Variants in KIF13A observed in about 807,000 individuals in gnomAD.
KIF13A encodes the protein kinesin family member 13A.
Under a neutral mutation model 212.2 loss-of-function variants are expected in KIF13A, and 79 were observed. The ratio of observed to expected loss-of-function variants is 0.37; its 90% CI spans 0.31 to 0.45. The LOEUF is 0.45. KIF13A is among the 20% of genes least tolerant of loss of function. The probability of loss-of-function intolerance (pLI) is 1.00; values close to 1 mark genes in which losing one functional copy is unlikely to be tolerated. For synonymous variants in KIF13A, 789 were observed against 808.6 expected, an observed-to-expected ratio of 0.98 and a Z score of 0.41; for missense variants, 1,901 against 2,209.0, an observed-to-expected ratio of 0.86 and a Z score of 2.79.
At position 17,936,312 on chromosome 6, in the gene KIF13A, A is replaced by AT. The variant is rs573696914; in HGVS notation, c.147-38133dup. 4.6e-3 allele frequency: 719 copies of AT among 156,046 alleles called. 6 individuals carry two copies. The highest frequency in any genetic ancestry group is 0.013 in the African/African-American group (554 of 41,516). The allele number at this position is 156,046 out of a possible 1,614,324, so 9.7% of individuals were successfully genotyped here. ...ACATATGTGCCACCACACCTGGCTA[A>AT]TTTTTTTTGTATTTTTAGTAGAGAT... is the stretch of plus-strand genomic sequence containing the variant. On this transcript the variant is annotated intron_variant, in intron 2 of 38. Coordinates refer to ENST00000259711, the MANE Select transcript of KIF13A (RefSeq NM_022113.6).
At chr6:17,840,993 C>G (rs1034650432) in intron 9 of KIF13A, among the ~76,000 whole-genome samples, 3 of 152,078 alleles carry the variant, frequency 2.0e-5, no homozygotes, top group Non-Finnish European at 4.4e-5. Flanking sequence ...TCACAAACTT[C>G]TCTAGACAAC....
intron 2 of KIF13A, among the ~76,000 whole-genome samples, chr6:17,958,786 C>T (rs1262484409): frequency 1.3e-5 from 2 of 151,632 alleles, no homozygotes; most frequent in Admixed American, 6.6e-5. Context: ...GAATGCAAAA[C>T]TGATTTTCAT....
rs971148508 is a variant in KIF13A at position 17,834,892 on chromosome 6, G to A, written c.1156-821C>T. Among the ~76,000 whole-genome samples, 5 of 151,974 alleles carry A rather than the reference G, an allele frequency of 3.3e-5. No individual in the cohort carries two copies. Among genetic ancestry groups the A allele is most frequent in the Admixed American group, 3.3e-4 (5 of 15,238 alleles). On this transcript the variant is annotated intron_variant, in intron 11 of 38. Transcript: ENST00000259711. The surrounding 1 kb of genome is among the most constrained non-coding windows in gnomAD (Gnocchi z 4.0). Reference sequence around the variant, plus strand: ...GTGGCATTTAGTGCTGAGTACAGTGGGACATATATGAAAATTATAGGCCAG... The same window carrying A: ...GTGGCATTTAGTGCTGAGTACAGTGAGACATATATGAAAATTATAGGCCAG...
chr6:17,785,771 G>T lies in KIF13A; in HGVS notation c.3362-130C>A. ...CTACCAAAAAAAAAAAAATAGTTGGGCAGGGTGGTGGTACGCATGCCTGTA... is the reference window on the plus strand; with the variant it reads ...CTACCAAAAAAAAAAAAATAGTTGGTCAGGGTGGTGGTACGCATGCCTGTA... On this transcript the variant is annotated intron_variant, in intron 27 of 38. Coordinates refer to ENST00000259711, the MANE Select transcript of KIF13A (RefSeq NM_022113.6). This position sits in a 1 kb window ranked among gnomAD's most constrained non-coding sequence, Gnocchi z 5.8. 1.1e-6 allele frequency: 1 copy of T among 934,136 alleles called. No individual in the cohort carries two copies. The highest frequency in any genetic ancestry group is 1.6e-6 in the Non-Finnish European group (1 of 618,582). The allele number at this position is 934,136 out of a possible 1,614,324, so 57.9% of individuals were successfully genotyped here.
chr6:17,808,107 C>A (rs1332611874), intron 18 of KIF13A, among the ~76,000 whole-genome samples: 1 of 152,210 alleles, frequency 6.6e-6, no homozygotes, highest in African/African-American at 2.4e-5. Flanking sequence ...CCATAGCAGG[C>A]TGGGCACAGT....
In KIF13A at chr6:17,785,601, C is replaced by T. The variant is rs1356751165; in HGVS notation, c.3402G>A (p.Val1134=). 1.9e-6 allele frequency: 3 copies of T among 1,606,280 alleles called. No homozygotes were observed. The Admixed American group carries it at 5.1e-5, about 27-fold the overall frequency. Residue 1134 remains valine (V), a synonymous_variant, in exon 28 of 39, where the codon GTG becomes GTA. Transcript: ENST00000259711. This position sits in a 1 kb window ranked among gnomAD's most constrained non-coding sequence, Gnocchi z 5.8. ...CCTCAGTCAGCCCTACCCACTGCTC[C>T]ACAAGCTGGGCTTCCCGCTCCACAT... ...EDDVEREAQL[V]EQWVGLTEER...
chr6:17,919,260 CACAAA>C lies in KIF13A; in HGVS notation c.147-21085_147-21081del, dbSNP rs572680979. The stretch of plus-strand genomic sequence containing the variant: ...AACATCACAAAACATCACAGCACAT[CACAAA>C]ACAGTAGAAAGTATCCCTCTTCAAC... On this transcript the variant is annotated intron_variant, in intron 2 of 38. Coordinates refer to ENST00000259711, the MANE Select transcript of KIF13A (RefSeq NM_022113.6). This position sits in a 1 kb window ranked among gnomAD's most constrained non-coding sequence, Gnocchi z 4.1. 5.0e-3 allele frequency among the ~76,000 whole-genome samples: 755 copies of C among 152,310 alleles called. 3 individuals are homozygous for C. The highest frequency in any genetic ancestry group is 0.01 in the South Asian group (49 of 4,828).
intron 25 of KIF13A, among the ~76,000 whole-genome samples, chr6:17,791,290 G>A (rs1291193984): frequency 6.6e-6 from 1 of 151,860 alleles, no homozygotes; most frequent in South Asian, 2.1e-4. Flanking sequence ...ACTGAAAATT[G>A]GCCTAAGCAT....
chr6:17,842,266 G>T (rs1248255473), intron 9 of KIF13A, among the ~76,000 whole-genome samples: 2 of 151,804 alleles, frequency 1.3e-5, no homozygotes, highest in East Asian at 3.9e-4. Context: ...GCCCAGGTTG[G>T]TCTCGAACAC....
chr6:17,987,094 C>T lies in KIF13A; in HGVS notation c.106G>A (p.Val36Ile). ...GTGTTAGAAGGAGGAGGGTGCAGGACCGTTTGATTCCCTTCCATCTCCACC... is the reference window on the plus strand; with the variant it reads ...GTGTTAGAAGGAGGAGGGTGCAGGATCGTTTGATTCCCTTCCATCTCCACC... The part of the protein sequence containing the change: ...CVVEMEGNQT[V>I]LHPPPSNTKQ... Residue 36 changes from valine (V) to isoleucine (I), a missense_variant, in exon 2 of 39, where the codon GTC (valine) becomes ATC (isoleucine). By Grantham distance (29) the Val-to-Ile change is conservative (BLOSUM62 3). This residue lies in a region of KIF13A where 506 missense variants were observed against 637.4 expected (regional missense o/e 0.79). Transcript: ENST00000259711. The surrounding 1 kb of genome is among the most constrained non-coding windows in gnomAD (Gnocchi z 7.7). 1 of 1,613,762 alleles carries T rather than the reference C, an allele frequency of 6.2e-7. No individual in the cohort carries two copies. Among genetic ancestry groups the T allele is most frequent in the South Asian group, 1.1e-5 (1 of 91,058 alleles).
At position 17,982,410 on chromosome 6, in the gene KIF13A, A is replaced by T. The variant is rs1295600586; in HGVS notation, c.146+4644T>A. On this transcript the variant is annotated intron_variant, in intron 2 of 38. Coordinates refer to ENST00000259711, the MANE Select transcript of KIF13A (RefSeq NM_022113.6). This position sits in a 1 kb window ranked among gnomAD's most constrained non-coding sequence, Gnocchi z 5.1. Reference sequence around the variant, plus strand: ...ACTGTGTCTGGCCCCCAGGATTTGGAGCATTTTAGATTTCAGATGTTCAGA... The same window carrying T: ...ACTGTGTCTGGCCCCCAGGATTTGGTGCATTTTAGATTTCAGATGTTCAGA... 1.0e-6 allele frequency: 1 copy of T among 983,762 alleles called. No homozygotes were observed. The highest frequency in any genetic ancestry group is 1.2e-6 in the Non-Finnish European group (1 of 828,642). 60.9% of individuals were successfully genotyped at this position (983,762 alleles called of 1,614,324 possible).
chr6:17,818,565 C>A (rs570426866), intron 16 of KIF13A, among the ~76,000 whole-genome samples: 1 of 152,132 alleles, frequency 6.6e-6, no homozygotes, highest in Non-Finnish European at 1.5e-5. Flanking sequence ...AAAATGACAA[C>A]CACAATGGCA....
chr6:17,828,227 T>C lies in KIF13A; in HGVS notation c.1532+13A>G. 4 of 1,608,638 alleles carry C rather than the reference T, an allele frequency of 2.5e-6. No individual in the cohort carries two copies. The highest frequency in any genetic ancestry group is 3.4e-6 in the Non-Finnish European group (4 of 1,177,328). On this transcript the variant is annotated intron_variant, in intron 14 of 38. Coordinates refer to ENST00000259711, the MANE Select transcript of KIF13A (RefSeq NM_022113.6). This position sits in a 1 kb window ranked among gnomAD's most constrained non-coding sequence, Gnocchi z 4.3. Reference sequence around the variant, plus strand: ...CACACAAGACACGTGAAGTCACCATTTACTTTTCTTACCTTGCATTTTCTT... The same window carrying C: ...CACACAAGACACGTGAAGTCACCATCTACTTTTCTTACCTTGCATTTTCTT...
At chr6:17,860,252 A>C (rs774729395) in intron 4 of KIF13A, among the ~76,000 whole-genome samples, 2 of 151,624 alleles carry the variant, frequency 1.3e-5, no homozygotes, top group African/African-American at 4.9e-5. Context: ...GCAGTGGTAC[A>C]ATCTCAGCTC....
chr6:17,941,080 C>A (rs1023120286), intron 2 of KIF13A, among the ~76,000 whole-genome samples: 3 of 152,142 alleles, frequency 2.0e-5, no homozygotes, highest in African/African-American at 7.2e-5. Flanking sequence ...CTGCCTGGGC[C>A]TCCCAAAGTG....
At chr6:17,966,202 C>A (rs1056531175) in intron 2 of KIF13A, among the ~76,000 whole-genome samples, 2 of 151,708 alleles carry the variant, frequency 1.3e-5, no homozygotes, top group African/African-American at 4.8e-5. Flanking sequence ...TCAAAACAAA[C>A]CAAAAGTAAG....
In KIF13A at chr6:17,849,528, A is replaced by G; in HGVS notation, c.718-39T>C. ...ACGAGAGAGAGAAGAAAAACTTATC[A>G]ATAAAAACCACATGGATATCTACAT... On this transcript the variant is annotated intron_variant, in intron 8 of 38. Coordinates refer to ENST00000259711, the MANE Select transcript of KIF13A (RefSeq NM_022113.6). This position sits in a 1 kb window ranked among gnomAD's most constrained non-coding sequence, Gnocchi z 5.7. 1 of 1,440,102 alleles carries G rather than the reference A, an allele frequency of 6.9e-7. No individual in the cohort carries two copies. The highest frequency in any genetic ancestry group is 1.4e-5 in the African/African-American group (1 of 71,260). 89.2% of individuals were successfully genotyped at this position (1,440,102 alleles called of 1,614,324 possible). A position where few individuals can be genotyped will look rare whatever the true frequency, so the allele number is the denominator to read the frequency against.
rs2150317814 is a variant in KIF13A at position 17,789,786 on chromosome 6, T to TC, written c.3261+85dup. 3 of 1,129,726 alleles carry TC rather than the reference T, an allele frequency of 2.7e-6. No individual in the cohort carries two copies. The East Asian group carries it at 7.2e-5, about 27-fold the overall frequency. 70.0% of individuals were successfully genotyped at this position (1,129,726 alleles called of 1,614,324 possible). On this transcript the variant is annotated intron_variant, in intron 26 of 38. Coordinates refer to ENST00000259711, the MANE Select transcript of KIF13A (RefSeq NM_022113.6). This position sits in a 1 kb window ranked among gnomAD's most constrained non-coding sequence, Gnocchi z 4.8. ...CATATTCTCGCTCTAGGGCCCTCCT[T>TC]CCTCCTCCCTGGCCTCTGCTTTGCG... is the stretch of plus-strand genomic sequence containing the variant.
intron 4 of KIF13A, among the ~76,000 whole-genome samples, chr6:17,870,607 C>G (rs920777903): frequency 2.0e-5 from 3 of 152,164 alleles, no homozygotes; most frequent in African/African-American, 7.2e-5. Flanking sequence ...TTAACCACCT[C>G]ACTCCAATAG....
Sources: allele counts gnomAD v4.1 joint callset (sites outside exome capture counted in the v4.1 genomes callset), GRCh38; gene constraint gnomAD v4.1.1; regional missense constraint gnomAD v4.1.1; non-coding constraint Gnocchi (gnomAD v3.1); transcripts MANE v1.5; gene names NCBI Gene and HGNC (gene_info 2026-07-23, HGNC 2026-07-21).